Variants in PNPLA6 observed in about 807,000 individuals in gnomAD.
PNPLA6 encodes patatin like domain 6, lysophospholipase.
PNPLA6 carries 105 observed loss-of-function variants against 153.7 expected under a neutral mutation model. The observed-to-expected ratio is 0.68, with a 90% CI of 0.58 to 0.80. The LOEUF (loss-of-function observed/expected upper bound fraction) is 0.80. PNPLA6 is among the 30% of genes least tolerant of loss of function. PNPLA6 has a pLI of 0.00. For missense variants in PNPLA6, 1,423 were observed against 1,919.3 expected, an observed-to-expected ratio of 0.74 and a Z score of 4.83; for synonymous variants, 825 against 822.2, an observed-to-expected ratio of 1.00 and a Z score of -0.06.
upstream of PNPLA6, chr19:7,535,674 T>G (rs2022821856): frequency 6.5e-7 from 1 of 1,535,188 alleles, no homozygotes; most frequent in Non-Finnish European, 8.8e-7. This position sits in a 1 kb window ranked among gnomAD's most constrained non-coding sequence, Gnocchi z 5.0. Flanking sequence ...GGTCTGGCGA[T>G]AACGCGCTGC....
intron 3 of PNPLA6, among the ~76,000 whole-genome samples, chr19:7,538,819 T>C (rs1330349804): frequency 6.6e-6 from 1 of 152,220 alleles, no homozygotes; most frequent in Non-Finnish European, 1.5e-5. Flanking sequence ...GTCAAAGGCA[T>C]ACTCACGTTA....
intron 16 of PNPLA6, 161 bp from the exon 17 acceptor site, chr19:7,550,833 C>T (rs1391236591): frequency 3.4e-5 from 31 of 902,818 alleles, no homozygotes; most frequent in Non-Finnish European, 5.1e-5. Context: ...TCCCTGTCCT[C>T]TCCCTCTCCC....
Position 7,553,966 on chromosome 19 carries a change from C to T in PNPLA6, c.2352C>T (p.Val784=), listed in dbSNP as rs1234610042. The T allele has an allele frequency of 1.2e-6, 2 of 1,614,188 alleles. No individual in the cohort carries two copies. The highest frequency in any genetic ancestry group is 3.3e-5 in the Admixed American group (2 of 60,022). Residue 784 remains valine (V), a synonymous_variant, in exon 19 of 32, where the codon GTC becomes GTT. Coordinates refer to ENST00000600737, the MANE Select transcript of PNPLA6 (RefSeq NM_001166114.2). The part of the protein sequence containing the change: ...TVAILPVCAE[V]PMVAFTLELQ... ...CAATCCTGCCTGTGTGTGCTGAGGT[C>T]CCCATGGTGGCCTTCACGCTGGAGC...
chr19:7,534,593 C>A (rs1382324936), upstream of PNPLA6: 1 of 153,822 alleles, frequency 6.5e-6, no homozygotes, highest in Non-Finnish European at 1.4e-5. Context: ...AGCCCGGACG[C>A]CCTCCCCAGG....
chr19:7,559,433 G>A (rs2024015507), intron 28 of PNPLA6, among the ~76,000 whole-genome samples: 1 of 152,220 alleles, frequency 6.6e-6, no homozygotes, highest in South Asian at 2.1e-4. Flanking sequence ...TGGTGGGAAT[G>A]AGAATAGTGA....
Position 7,555,353 on chromosome 19 carries a change from C to A in PNPLA6, c.2922C>A (p.Gly974=), listed in dbSNP as rs767028461. ...GGAACACCATTGCCCTTGTGCTAGG[C>A]GGGGGCGGGGCCAGGTGAGGGCGGG... ...LTGNTIALVL[G]GGGARGCSHI... The change falls in exon 23 of 32, where the codon GGC becomes GGA. Residue 974 remains glycine (G), a synonymous_variant. Coordinates refer to ENST00000600737, the MANE Select transcript of PNPLA6 (RefSeq NM_001166114.2). The surrounding 1 kb of genome is among the most constrained non-coding windows in gnomAD (Gnocchi z 6.3). The A allele has an allele frequency of 1.6e-4, 165 of 1,054,056 alleles. No homozygotes were observed. Among genetic ancestry groups the A allele is most frequent in the Middle Eastern group, 2.1e-4 (1 of 4,714 alleles). The allele number at this position is 1,054,056 out of a possible 1,614,324, so 65.3% of individuals were successfully genotyped here.
intron 1 of PNPLA6, 42 bp downstream of exon 1, chr19:7,536,062 G>C (rs763756854): frequency 6.3e-7 from 1 of 1,580,466 alleles, no homozygotes; most frequent in East Asian, 2.3e-5. Context: ...TGTATGGTGG[G>C]GGGCCCAAAT....
At position 7,555,775 on chromosome 19, in the gene PNPLA6, G is replaced by A. The variant is rs750757538; in HGVS notation, c.3093+12G>A. Reference sequence around the variant, plus strand: ...GGGAGTGGGCCAAGGTGTGTGTTGCGAGGAGGGATTGCTGCACCCCAGGAG... The same window carrying A: ...GGGAGTGGGCCAAGGTGTGTGTTGCAAGGAGGGATTGCTGCACCCCAGGAG... On this transcript the variant is annotated intron_variant, in intron 24 of 31. Coordinates refer to ENST00000600737, the MANE Select transcript of PNPLA6 (RefSeq NM_001166114.2). The surrounding 1 kb of genome is among the most constrained non-coding windows in gnomAD (Gnocchi z 6.3). 5 of 1,612,408 alleles carry A rather than the reference G, an allele frequency of 3.1e-6. No individual in the cohort carries two copies. The highest frequency in any genetic ancestry group is 4.2e-6 in the Non-Finnish European group (5 of 1,179,742).
Position 7,557,515 on chromosome 19 carries a change from G to T in PNPLA6, c.3397+231G>T, listed in dbSNP as rs1161650004. ...GATCTACATTCTGGCCAGGCGCGGTGGCTCAGCCTGGAATCCCAGCACTTT... is the reference window on the plus strand; with the variant it reads ...GATCTACATTCTGGCCAGGCGCGGTTGCTCAGCCTGGAATCCCAGCACTTT... On this transcript the variant is annotated intron_variant, in intron 27 of 31. Transcript: ENST00000600737. 10 of 567,258 alleles carry T rather than the reference G, an allele frequency of 1.8e-5. No homozygotes were observed. The Admixed American group carries it at 2.3e-4, about 13-fold the overall frequency. 35.1% of individuals were successfully genotyped at this position (567,258 alleles called of 1,614,324 possible).
At chr19:7,539,814 T>A (rs1568406881) in intron 3 of PNPLA6, 104 bp from the exon 4 acceptor site, 2 of 723,566 alleles carry the variant, frequency 2.8e-6, no homozygotes, top group African/African-American at 1.8e-5. Context: ...CGGGCCAGAG[T>A]TTGCTGTACA....
chr19:7,555,371 A>G lies in PNPLA6; in HGVS notation c.2936+4A>G, dbSNP rs1163436776. ...TGCTAGGCGGGGGCGGGGCCAGGTGAGGGCGGGGCTTGCTCTCTGGGGGCG... is the reference window on the plus strand; with the variant it reads ...TGCTAGGCGGGGGCGGGGCCAGGTGGGGGCGGGGCTTGCTCTCTGGGGGCG... On this transcript the variant is annotated splice_donor_region_variant and intron_variant, in intron 23 of 31. Coordinates refer to ENST00000600737, the MANE Select transcript of PNPLA6 (RefSeq NM_001166114.2). This position sits in a 1 kb window ranked among gnomAD's most constrained non-coding sequence, Gnocchi z 6.3. 4 of 1,025,154 alleles carry G rather than the reference A, an allele frequency of 3.9e-6. No homozygotes were observed. The highest frequency in any genetic ancestry group is 1.5e-5 in the South Asian group (1 of 65,158). 63.5% of individuals were successfully genotyped at this position (1,025,154 alleles called of 1,614,324 possible). A position where few individuals can be genotyped will look rare whatever the true frequency, so the allele number is the denominator to read the frequency against.
chr19:7,559,230 G>A (rs1478949110), intron 28 of PNPLA6, 79 bp downstream of exon 28: 3 of 1,242,724 alleles, frequency 2.4e-6, no homozygotes, highest in Non-Finnish European at 3.6e-6. Flanking sequence ...AGTGGTATGA[G>A]GGGGAGGAAT....
chr19:7,551,603 C>A (rs952779590), intron 18 of PNPLA6, among the ~76,000 whole-genome samples, 166 bp downstream of exon 18: 2 of 152,146 alleles, frequency 1.3e-5, no homozygotes, highest in Non-Finnish European at 2.9e-5. Flanking sequence ...GCAGAGCATT[C>A]TGGGGAATGG....
In PNPLA6 at chr19:7,561,081, C is replaced by T. The variant is rs758549829; in HGVS notation, c.3884C>T (p.Thr1295Met). 7.9e-5 allele frequency: 128 copies of T among 1,612,980 alleles called. No individual in the cohort carries two copies. Among genetic ancestry groups the T allele is most frequent in the Non-Finnish European group, 1.0e-4 (122 of 1,179,652 alleles). ...ATTGTGTCCCGGATTGAGCCCCCCA[C>T]GAGCTATGTCTCTGATGGCTGTGCT... Reference protein sequence around the residue: ...AEIVSRIEPPTSYVSDGCADG... With the variant: ...AEIVSRIEPPMSYVSDGCADG... Residue 1295 changes from threonine (T) to methionine (M), a missense_variant, in exon 30 of 32, where the codon ACG becomes ATG. Transcript: ENST00000600737.
At chr19:7,535,453 G>C, upstream of PNPLA6, 1 of 1,241,860 alleles carries the variant, frequency 8.1e-7, no homozygotes, top group African/African-American at 1.5e-5. The surrounding 1 kb of genome is among the most constrained non-coding windows in gnomAD (Gnocchi z 5.0). Context: ...AGGCAGGGGA[G>C]AGGTGGGCCC....
Position 7,541,099 on chromosome 19 carries a change from GC to G in PNPLA6, c.924+53del. ...TCACCCCCTGAGGGACCCCACCCTG[GC>G]CCCCACCCATTCCAGGCTCCAAGGG... On this transcript the variant is annotated intron_variant, in intron 7 of 31. Coordinates refer to ENST00000600737, the MANE Select transcript of PNPLA6 (RefSeq NM_001166114.2). The surrounding 1 kb of genome is among the most constrained non-coding windows in gnomAD (Gnocchi z 5.2). The G allele has an allele frequency of 6.3e-7, 1 of 1,583,226 alleles. No homozygotes were observed. Among genetic ancestry groups the G allele is most frequent in the Non-Finnish European group, 8.6e-7 (1 of 1,163,702 alleles).
In PNPLA6 at chr19:7,541,332, C is replaced by T. The variant is rs892540204; in HGVS notation, c.925-22C>T. 3 of 1,607,370 alleles carry T rather than the reference C, an allele frequency of 1.9e-6. No individual in the cohort carries two copies. The highest frequency in any genetic ancestry group is 2.7e-5 in the African/African-American group (2 of 74,788). On this transcript the variant is annotated intron_variant, in intron 7 of 31. Transcript: ENST00000600737. The surrounding 1 kb of genome is among the most constrained non-coding windows in gnomAD (Gnocchi z 5.2). ...CCCCTTACCCCGCCCCATCTTATGGCCACGCCCCTCGAGCCCTGCAGATCA... is the reference window on the plus strand; with the variant it reads ...CCCCTTACCCCGCCCCATCTTATGGTCACGCCCCTCGAGCCCTGCAGATCA...
chr19:7,543,238 G>C (rs1168432131), intron 13 of PNPLA6, among the ~76,000 whole-genome samples, 154 bp downstream of exon 13: 1 of 151,982 alleles, frequency 6.6e-6, no homozygotes, highest in African/African-American at 2.4e-5. Flanking sequence ...CTAACCCTTG[G>C]GTCCTGTGAC....
intron 17 of PNPLA6, 46 bp downstream of exon 17, chr19:7,551,153 G>T: frequency 8.3e-7 from 1 of 1,203,148 alleles, no homozygotes; most frequent in Non-Finnish European, 1.2e-6. Context: ...GCGGGACTCC[G>T]GGGGGGTGGG....
Sources: gnomAD v4.1 joint callset for allele counts (sites outside exome capture counted in the v4.1 genomes callset) on GRCh38, gnomAD v4.1.1 for gene constraint, Gnocchi (gnomAD v3.1) non-coding constraint, MANE v1.5 for transcripts, NCBI Gene and HGNC (gene_info 2026-07-23, HGNC 2026-07-21) for gene names.